Variants in JCAD observed in about 807,000 individuals in gnomAD.
The protein encoded by JCAD is junctional cadherin 5-associated protein.
JCAD carries 40 observed loss-of-function variants against 98.0 expected under a neutral mutation model. That is an observed-to-expected ratio of 0.41 (90% CI 0.32 to 0.53). The LOEUF (loss-of-function observed/expected upper bound fraction) is 0.53. Ranked by LOEUF, JCAD falls within the 20% of genes least tolerant of loss-of-function variation. JCAD has a pLI of 0.31. For missense variants in JCAD, 1,705 were observed against 1,738.1 expected (o/e 0.98, Z 0.34); for synonymous variants, 691 against 682.3 (o/e 1.01, Z -0.20).
chr10:30,053,447 G>C (rs953052100), intron 1 of JCAD, among the ~76,000 whole-genome samples: 12 of 151,826 alleles, frequency 7.9e-5, no homozygotes, highest in Non-Finnish European at 1.3e-4. Context: ...TGTAGTCCTA[G>C]CTACCTAGTA....
chr10:30,092,095 ACTT>A (rs1564469956), intron 1 of JCAD, among the ~76,000 whole-genome samples: 13 of 12,962 alleles, frequency 1.0e-3, no homozygotes, highest in African/African-American at 4.8e-3. Flanking sequence ...ATATAAAGTT[ACTT>A]TATATATATA....
chr10:30,086,687 G>T (rs567785908), intron 1 of JCAD, among the ~76,000 whole-genome samples: 5 of 152,294 alleles, frequency 3.3e-5, no homozygotes, highest in African/African-American at 1.2e-4. Flanking sequence ...GAGCACATAT[G>T]CTGGATGAAG....
chr10:30,092,916 T>C (rs1838308771), intron 1 of JCAD, among the ~76,000 whole-genome samples: 1 of 151,938 alleles, frequency 6.6e-6, no homozygotes, highest in African/African-American at 2.4e-5. Flanking sequence ...TATGGAAAAA[T>C]AGAATATTCT....
rs1564444502 is a variant in JCAD at position 30,028,689 on chromosome 10, C to T, written c.1459G>A (p.Glu487Lys). Residue 487 changes from glutamate to lysine, a missense_variant, in exon 3 of 4, where the codon GAG becomes AAG. By Grantham distance (56) the Glu-to-Lys change is moderately conservative (BLOSUM62 1). This residue lies in a region of JCAD where 1,278 missense variants were observed against 1,243.1 expected (regional missense o/e 1.03). Transcript: ENST00000375377. ...GAATCGGCCAAGACCAGGCCTCTCT[C>T]ATCCCCCGACGGGGGTATTAAGCTC... ...PQSLIPPSGD[E>K]RGLVLADSSP... 1 of 1,608,482 alleles carries T rather than the reference C, an allele frequency of 6.2e-7. No individual in the cohort carries two copies. Among genetic ancestry groups the T allele is most frequent in the Non-Finnish European group, 8.5e-7 (1 of 1,177,034 alleles).
intron 1 of JCAD, among the ~76,000 whole-genome samples, chr10:30,105,444 C>T (rs1057131323): frequency 6.6e-6 from 1 of 151,718 alleles, no homozygotes; most frequent in African/African-American, 2.4e-5. Flanking sequence ...CTGCCTCAGC[C>T]TCCCGAGTAG....
intron 1 of JCAD, among the ~76,000 whole-genome samples, chr10:30,086,478 C>T (rs933772374): frequency 3.3e-5 from 5 of 152,200 alleles, no homozygotes; most frequent in Non-Finnish European, 5.9e-5. Flanking sequence ...TGGAAAGTTC[C>T]GTGTTTGAAT....
chr10:30,115,396 G>A (rs537958258), exon 1 of JCAD: 10 of 152,324 alleles, frequency 6.6e-5, no homozygotes, highest in East Asian at 5.8e-4. Flanking sequence ...CTTCATGAGC[G>A]TCTAAAGAAT....
At chr10:30,031,117 T>C (rs1236597331) in intron 2 of JCAD, among the ~76,000 whole-genome samples, 1 of 151,886 alleles carries the variant, frequency 6.6e-6, no homozygotes, top group Non-Finnish European at 1.5e-5. Flanking sequence ...GGCATTTGTA[T>C]TTATATTTTT....
chr10:30,068,573 C>T (rs897171684), intron 2 of JCAD, among the ~76,000 whole-genome samples: 1 of 152,074 alleles, frequency 6.6e-6, no homozygotes, highest in Non-Finnish European at 1.5e-5. Context: ...TACTGGATTC[C>T]GAATACCTGG....
intron 1 of JCAD, among the ~76,000 whole-genome samples, chr10:30,086,283 GT>G (rs1316101235): frequency 6.6e-6 from 1 of 152,096 alleles, no homozygotes; most frequent in East Asian, 1.9e-4. Context: ...CACACCCTTA[GT>G]GGACAAATTT....
At chr10:30,101,570 G>T (rs956121730) in intron 1 of JCAD, among the ~76,000 whole-genome samples, 4 of 151,942 alleles carry the variant, frequency 2.6e-5, no homozygotes, top group Non-Finnish European at 5.9e-5. Flanking sequence ...GTCTCACTAT[G>T]TTGGCCAGGC....
upstream of JCAD, among the ~76,000 whole-genome samples, chr10:30,060,604 C>T (rs903780030): frequency 1.3e-5 from 2 of 152,174 alleles, no homozygotes; most frequent in African/African-American, 4.8e-5. Context: ...AGACTGGTGA[C>T]CTTGCCAAAT....
At chr10:30,055,227 A>C (rs55659151) in intron 1 of JCAD, among the ~76,000 whole-genome samples, 2 of 152,356 alleles carry the variant, frequency 1.3e-5, no homozygotes, top group Non-Finnish European at 2.9e-5. Flanking sequence ...AAAAGACCTA[A>C]AACTTTTCAG....
chr10:30,046,373 A>G (rs1287473065), intron 2 of JCAD, among the ~76,000 whole-genome samples: 1 of 152,132 alleles, frequency 6.6e-6, no homozygotes, highest in Non-Finnish European at 1.5e-5. Flanking sequence ...GTAAGGAAAC[A>G]CCCACAGATG....
At chr10:30,097,550 C>G (rs542213697) in intron 1 of JCAD, among the ~76,000 whole-genome samples, 1 of 152,240 alleles carries the variant, frequency 6.6e-6, no homozygotes, top group East Asian at 1.9e-4. Context: ...GAGTTCAAGA[C>G]TAGCCTGACC....
chr10:30,085,173 A>G (rs1178460925), intron 1 of JCAD, among the ~76,000 whole-genome samples: 2 of 152,036 alleles, frequency 1.3e-5, no homozygotes, highest in Non-Finnish European at 2.9e-5. Flanking sequence ...TCCCTATTTC[A>G]AAGGAGTAAC....
chr10:30,080,509 C>T (rs1023623494), intron 1 of JCAD, among the ~76,000 whole-genome samples: 9 of 152,206 alleles, frequency 5.9e-5, no homozygotes, highest in African/African-American at 2.2e-4. Flanking sequence ...TCCTACACAG[C>T]CTAGAGAGCA....
At chr10:30,034,156 G>C (rs1039901047) in intron 2 of JCAD, among the ~76,000 whole-genome samples, 1 of 152,022 alleles carries the variant, frequency 6.6e-6, no homozygotes, top group African/African-American at 2.4e-5. Context: ...CCGGGAGGAG[G>C]AGGTTGCAGT....
intron 3 of JCAD, 41 bp downstream of exon 3, chr10:30,026,062 A>C: frequency 6.2e-7 from 1 of 1,612,792 alleles, no homozygotes; most frequent in South Asian, 1.1e-5. Flanking sequence ...TAAAAACTCC[A>C]AATGTATACT....
Sources: gnomAD v4.1 joint callset for allele counts (sites outside exome capture counted in the v4.1 genomes callset) on GRCh38, gnomAD v4.1.1 for gene constraint, gnomAD v4.1.1 regional missense constraint, MANE v1.5 for transcripts, NCBI Gene and HGNC (gene_info 2026-07-23, HGNC 2026-07-21) for gene names.